The following SLC9A9 variants were observed in gnomAD, a reference collection of about 807,000 sequenced individuals.
The protein encoded by SLC9A9 is sodium/hydrogen exchanger 9.
SLC9A9 carries 62 observed loss-of-function variants against 77.8 expected under a neutral mutation model. The ratio of observed to expected loss-of-function variants is 0.80; its 90% CI spans 0.65 to 0.98. The LOEUF (loss-of-function observed/expected upper bound fraction) is 0.98. Among genes scored for constraint, SLC9A9 ranks in the 50% least tolerant of loss-of-function variants. The pLI is 0.00. For missense variants in SLC9A9, 775 were observed against 774.9 expected, an observed-to-expected ratio of 1.00 and a Z score of 0.00; for synonymous variants, 320 against 283.5, an observed-to-expected ratio of 1.13 and a Z score of -1.29.
chr3:143,659,586 T>C (rs1013933713), intron 5 of SLC9A9, among the ~76,000 whole-genome samples: 3 of 152,084 alleles, frequency 2.0e-5, no homozygotes, highest in Non-Finnish European at 2.9e-5. Context: ...AAGAGTAATA[T>C]TGAGAAGAGT....
At chr3:143,582,583 G>A (rs73001745) in intron 6 of SLC9A9, among the ~76,000 whole-genome samples, 3,554 of 152,246 alleles carry the variant, frequency 0.023, 129 homozygotes, top group African/African-American at 0.081. Flanking sequence ...TTTTGCATAA[G>A]AACAACAGGG....
rs550461866 is a variant in SLC9A9, at chr3:143,440,974, T to C, written c.1469+26063A>G. Among the ~76,000 whole-genome samples the C allele has an allele frequency of 3.3e-5, 5 of 152,374 alleles. No homozygotes were observed. The East Asian group carries it at 9.6e-4, about 29-fold the overall frequency. ...GTGACATCAGGAAGTTTGTCCATTT[T>C]CTGTGCTGTGCCCTTTCAGACAGGC... On this transcript the variant is annotated intron_variant, in intron 12 of 15. Coordinates refer to ENST00000316549, the MANE Select transcript of SLC9A9 (RefSeq NM_173653.4).
chr3:143,747,674 GAAAAC>G (rs1354254241), intron 4 of SLC9A9, among the ~76,000 whole-genome samples: 1 of 152,150 alleles, frequency 6.6e-6, no homozygotes, highest in African/African-American at 2.4e-5. Flanking sequence ...GCTGGAAGAA[GAAAAC>G]AAGAACAAGT....
At chr3:143,433,858 A>G (rs1177665522) in intron 12 of SLC9A9, among the ~76,000 whole-genome samples, 2 of 152,302 alleles carry the variant, frequency 1.3e-5, no homozygotes, top group South Asian at 2.1e-4. Flanking sequence ...AACCTTTCGA[A>G]TTCTGATGGT....
chr3:143,781,168 G>A (rs2007869734), intron 4 of SLC9A9, among the ~76,000 whole-genome samples: 1 of 152,120 alleles, frequency 6.6e-6, no homozygotes, highest in Non-Finnish European at 1.5e-5. Flanking sequence ...TTCACTATTT[G>A]CATTGCACAT....
intron 4 of SLC9A9, among the ~76,000 whole-genome samples, chr3:143,762,735 C>T (rs748005324): frequency 7.2e-5 from 11 of 152,132 alleles, no homozygotes; most frequent in Non-Finnish European, 1.5e-4. Context: ...GACGAATATA[C>T]TGAGGCCTGA....
chr3:143,757,800 T>C (rs989471669), intron 4 of SLC9A9, among the ~76,000 whole-genome samples: 1 of 152,102 alleles, frequency 6.6e-6, no homozygotes, highest in Non-Finnish European at 1.5e-5. Flanking sequence ...ATTACCTGAC[T>C]CTTTCCTTTG....
intron 9 of SLC9A9, among the ~76,000 whole-genome samples, chr3:143,516,563 GTATT>G (rs1576548193): frequency 6.6e-6 from 1 of 152,072 alleles, no homozygotes; most frequent in African/African-American, 2.4e-5. Flanking sequence ...AGCTTTTATC[GTATT>G]TATTTTATAA....
chr3:143,498,971 G>T (rs1436757769), intron 9 of SLC9A9, among the ~76,000 whole-genome samples: 1 of 152,104 alleles, frequency 6.6e-6, no homozygotes, highest in Non-Finnish European at 1.5e-5. Flanking sequence ...CTAGTTTGGG[G>T]CTATGATAAA....
chr3:143,306,173 G>A (rs2030773225), intron 14 of SLC9A9, among the ~76,000 whole-genome samples: 1 of 152,192 alleles, frequency 6.6e-6, no homozygotes, highest in Non-Finnish European at 1.5e-5. Context: ...CCATCAGGGA[G>A]GCAGTGGGGA....
intron 4 of SLC9A9, among the ~76,000 whole-genome samples, chr3:143,754,582 A>G (rs766755115): frequency 3.3e-5 from 5 of 152,188 alleles, no homozygotes; most frequent in Non-Finnish European, 7.3e-5. Flanking sequence ...CCAGTGCAGA[A>G]TAGGCTTTTC....
chr3:143,589,004 T>C (rs1361765224), intron 6 of SLC9A9, among the ~76,000 whole-genome samples: 1 of 152,210 alleles, frequency 6.6e-6, no homozygotes. Flanking sequence ...AGTAGGTTAA[T>C]AGCCACCAAA....
At chr3:143,737,541 T>C (rs1322277707) in intron 4 of SLC9A9, among the ~76,000 whole-genome samples, 7 of 151,816 alleles carry the variant, frequency 4.6e-5, no homozygotes. Flanking sequence ...AAGACTGTCC[T>C]GATAATACGT....
chr3:143,838,042 TAATA>T (rs55675527), intron 1 of SLC9A9, among the ~76,000 whole-genome samples: 116,431 of 151,886 alleles, frequency 0.77, 51,136 homozygotes, highest in South Asian at 0.96. Context: ...TTATGGGAGA[TAATA>T]AATGTCTTTA....
intron 5 of SLC9A9, among the ~76,000 whole-genome samples, chr3:143,670,041 C>G (rs1212113389): frequency 6.6e-6 from 1 of 152,132 alleles, no homozygotes; most frequent in African/African-American, 2.4e-5. Flanking sequence ...TATTATCAAG[C>G]AGAGAAATGT....
chr3:143,417,512 GAAAGGGATGGATGGAGGGAA>G, intron 12 of SLC9A9, among the ~76,000 whole-genome samples: 4 of 148,734 alleles, frequency 2.7e-5, no homozygotes, highest in African/African-American at 7.4e-5. Context: ...AGGAGGGGGA[GAAAGGGATGGATGGAGGGAA>G]AAAGGGATGG....
intron 4 of SLC9A9, among the ~76,000 whole-genome samples, chr3:143,719,626 T>A (rs1259419366): frequency 1.3e-5 from 2 of 152,188 alleles, no homozygotes; most frequent in Admixed American, 1.3e-4. Context: ...CTTCTTCATA[T>A]CTTCAACGCC....
intron 11 of SLC9A9, among the ~76,000 whole-genome samples, chr3:143,475,354 C>T (rs371600821): frequency 4.0e-4 from 61 of 152,134 alleles, no homozygotes; most frequent in African/African-American, 1.4e-3. Flanking sequence ...CTGGAAAGTA[C>T]GCTTGGTAAG....
At chr3:143,529,698 T>C (rs1240554140) in intron 9 of SLC9A9, among the ~76,000 whole-genome samples, 2 of 152,178 alleles carry the variant, frequency 1.3e-5, no homozygotes, top group Admixed American at 1.3e-4. Context: ...ATACCGAGTA[T>C]TTTGTTAAAT....
Sources: gnomAD v4.1 joint callset for allele counts (sites outside exome capture counted in the v4.1 genomes callset) on GRCh38, gnomAD v4.1.1 for gene constraint, MANE v1.5 for transcripts, NCBI Gene and HGNC (gene_info 2026-07-23, HGNC 2026-07-21) for gene names.